The following DNM3 variants were observed in gnomAD, a reference collection of about 807,000 sequenced individuals.
DNM3 encodes dynamin 3.
Under a neutral mutation model 101.6 loss-of-function variants are expected in DNM3, and 47 were observed. The observed-to-expected ratio is 0.46, with a 90% CI of 0.37 to 0.59. The LOEUF (loss-of-function observed/expected upper bound fraction) is 0.59. Ranked by LOEUF, DNM3 falls within the 20% of genes least tolerant of loss-of-function variation. DNM3 has a pLI of 0.00. For missense variants in DNM3, 849 were observed against 1,085.7 expected, an observed-to-expected ratio of 0.78 and a Z score of 3.06; for synonymous variants, 385 against 387.9, an observed-to-expected ratio of 0.99 and a Z score of 0.09.
intron 1 of DNM3, among the ~76,000 whole-genome samples, chr1:171,901,716 T>C (rs1571512294): frequency 6.6e-6 from 1 of 152,350 alleles, no homozygotes; most frequent in East Asian, 1.9e-4. Flanking sequence ...GTATTTCAAA[T>C]GAATGCTCCA....
At chr1:172,377,552 T>TTATATATATATATATATATA (rs2068666196) in intron 17 of DNM3, among the ~76,000 whole-genome samples, 1 of 45,080 alleles carries the variant, frequency 2.2e-5, no homozygotes, top group Non-Finnish European at 3.8e-5. Context: ...TTGATATATA[T>TTATATATATATATATATATA]CATATATATA....
intron 14 of DNM3, among the ~76,000 whole-genome samples, chr1:172,157,392 T>A (rs997136709): frequency 6.6e-6 from 1 of 152,116 alleles, no homozygotes; most frequent in Non-Finnish European, 1.5e-5. Flanking sequence ...GGCCAAGGAC[T>A]GGTACTGCGT....
At chr1:172,258,012 A>G (rs1316872432) in intron 15 of DNM3, among the ~76,000 whole-genome samples, 2 of 152,016 alleles carry the variant, frequency 1.3e-5, no homozygotes, top group Non-Finnish European at 2.9e-5. Context: ...TTAAACTCCT[A>G]TTTATGAGCA....
intron 10 of DNM3, among the ~76,000 whole-genome samples, chr1:172,056,942 T>C (rs1305107492): frequency 6.6e-6 from 1 of 151,816 alleles, no homozygotes; most frequent in African/African-American, 2.4e-5. Flanking sequence ...GTTGAAAACT[T>C]TGAAAAAAAT....
intron 14 of DNM3, among the ~76,000 whole-genome samples, chr1:172,154,129 C>T (rs1351289199): frequency 2.6e-5 from 4 of 152,000 alleles, no homozygotes; most frequent in Non-Finnish European, 5.9e-5. Context: ...GGTCCAGGGC[C>T]ATGCCTGTAG....
intron 14 of DNM3, among the ~76,000 whole-genome samples, chr1:172,132,162 G>A (rs2148084404): frequency 6.6e-6 from 1 of 152,244 alleles, no homozygotes; most frequent in South Asian, 2.1e-4. Context: ...TGGCCACGAA[G>A]GGCATGTGTT....
chr1:172,417,509 C>A (rs2071470508), downstream of DNM3, among the ~76,000 whole-genome samples: 1 of 152,128 alleles, frequency 6.6e-6, no homozygotes, highest in Admixed American at 6.5e-5. Flanking sequence ...GGAGAAAGAT[C>A]CAGCAGACCA....
intron 14 of DNM3, chr1:172,144,893 G>T: frequency 4.0e-6 from 1 of 247,984 alleles, no homozygotes; most frequent in Non-Finnish European, 8.2e-6. Context: ...GGGAGGTTTG[G>T]GTATGCGCTG....
chr1:172,110,799 G>T (rs1171050371), intron 13 of DNM3, among the ~76,000 whole-genome samples: 1 of 152,178 alleles, frequency 6.6e-6, no homozygotes, highest in Non-Finnish European at 1.5e-5. Context: ...ACTTTGAAAG[G>T]GTGAGGCAGG....
At chr1:172,140,444 G>A (rs1021310419) in intron 14 of DNM3, 2 of 151,746 alleles carry the variant, frequency 1.3e-5, no homozygotes, top group Admixed American at 6.6e-5. Flanking sequence ...GCTGCATTCA[G>A]TGCAACAGAA....
At chr1:172,359,732 T>G (rs2067645969) in intron 17 of DNM3, among the ~76,000 whole-genome samples, 1 of 151,964 alleles carries the variant, frequency 6.6e-6, no homozygotes, top group South Asian at 2.1e-4. Flanking sequence ...ATAAGCAATA[T>G]CTGCACGTTT....
intron 14 of DNM3, among the ~76,000 whole-genome samples, chr1:172,195,432 G>A (rs2059911766): frequency 6.6e-6 from 1 of 151,602 alleles, no homozygotes; most frequent in Non-Finnish European, 1.5e-5. Flanking sequence ...CTTGACTTAT[G>A]GCATCAGCTA....
At chr1:172,328,969 C>A (rs1275835235) in intron 17 of DNM3, among the ~76,000 whole-genome samples, 1 of 152,098 alleles carries the variant, frequency 6.6e-6, no homozygotes, top group Admixed American at 6.6e-5. Flanking sequence ...TGTGACCCAT[C>A]ATGCCTGGCT....
intron 2 of DNM3, among the ~76,000 whole-genome samples, chr1:171,948,421 A>G (rs2042298279): frequency 6.6e-6 from 1 of 152,140 alleles, no homozygotes; most frequent in Non-Finnish European, 1.5e-5. Flanking sequence ...CCCAAGTTAA[A>G]CCATCATTTT....
chr1:172,305,225 C>A (rs747420646), intron 15 of DNM3, among the ~76,000 whole-genome samples: 3 of 152,152 alleles, frequency 2.0e-5, no homozygotes, highest in Admixed American at 2.0e-4. Flanking sequence ...CACAGAAATA[C>A]AAACTACCAC....
chr1:172,355,302 A>C (rs2067394623), intron 17 of DNM3, among the ~76,000 whole-genome samples: 1 of 152,166 alleles, frequency 6.6e-6, no homozygotes, highest in South Asian at 2.1e-4. Context: ...AGTAGGAAAG[A>C]TTTTGGACTA....
At chr1:171,883,071 T>C (rs1477612833) in intron 1 of DNM3, among the ~76,000 whole-genome samples, 1 of 151,976 alleles carries the variant, frequency 6.6e-6, no homozygotes, top group Non-Finnish European at 1.5e-5. Flanking sequence ...TTGTATCTGA[T>C]TTTATGAGTA....
At chr1:171,879,053 A>T (rs1053749301) in intron 1 of DNM3, among the ~76,000 whole-genome samples, 2 of 152,216 alleles carry the variant, frequency 1.3e-5, no homozygotes, top group African/African-American at 2.4e-5. Flanking sequence ...GAACATCCTC[A>T]TGATTCAATC....
intron 1 of DNM3, among the ~76,000 whole-genome samples, chr1:171,884,032 A>T (rs1159998084): frequency 6.6e-6 from 1 of 152,192 alleles, no homozygotes; most frequent in African/African-American, 2.4e-5. Flanking sequence ...GATCACAGGG[A>T]GCTGAGTGCC....
Sources: gnomAD v4.1 joint callset for allele counts (sites outside exome capture counted in the v4.1 genomes callset) on GRCh38, gnomAD v4.1.1 for gene constraint, MANE v1.5 for transcripts, NCBI Gene and HGNC (gene_info 2026-07-23, HGNC 2026-07-21) for gene names.